Variants in FNDC7 observed in about 807,000 individuals in gnomAD.
FNDC7 encodes fibronectin type III domain-containing protein 7.
A neutral mutation model predicts 74.2 loss-of-function variants in FNDC7; 66 were observed. That is an observed-to-expected ratio of 0.89 (90% CI 0.73 to 1.09). FNDC7 has a LOEUF of 1.09. FNDC7 is among the 50% of genes least tolerant of loss of function. FNDC7 has a pLI of 0.00. For missense variants in FNDC7, 829 were observed against 893.4 expected, an observed-to-expected ratio of 0.93 and a Z score of 0.92; for synonymous variants, 307 against 330.2, an observed-to-expected ratio of 0.93 and a Z score of 0.76.
Position 108,722,321 on chromosome 1 carries a change from T to C in FNDC7, c.599-14T>C. 7 of 1,566,124 alleles carry C rather than the reference T, an allele frequency of 4.5e-6. No homozygotes were observed. The highest frequency in any genetic ancestry group is 6.1e-6 in the Non-Finnish European group (7 of 1,156,224). ...AGGCTACTACAAAATCTTAATTGTT[T>C]CTCTAAAATGTAGGTCCTCGGGCCC... is the stretch of plus-strand genomic sequence containing the variant. On this transcript the variant is annotated splice_polypyrimidine_tract_variant and intron_variant, in intron 4 of 12. Transcript: ENST00000370017.
chr1:108,719,677 C>T (rs550878035), intron 4 of FNDC7, among the ~76,000 whole-genome samples: 1 of 152,020 alleles, frequency 6.6e-6, no homozygotes, highest in East Asian at 1.9e-4. Context: ...TAGAGGTCCC[C>T]CGAGCAAAGG....
intron 9 of FNDC7, among the ~76,000 whole-genome samples, chr1:108,731,186 T>C (rs1408723631): frequency 6.6e-6 from 1 of 152,236 alleles, no homozygotes; most frequent in Non-Finnish European, 1.5e-5. Context: ...CATGTATCTT[T>C]ATATGACATA....
intron 2 of FNDC7, among the ~76,000 whole-genome samples, chr1:108,716,458 A>C (rs1486751147): frequency 6.6e-6 from 1 of 151,594 alleles, no homozygotes; most frequent in Non-Finnish European, 1.5e-5. Flanking sequence ...ATTGGCTTCC[A>C]CTGGCAAGTG....
At chr1:108,719,732 T>C (rs1661055736) in intron 4 of FNDC7, among the ~76,000 whole-genome samples, 1 of 139,152 alleles carries the variant, frequency 7.2e-6, no homozygotes, top group Non-Finnish European at 1.6e-5. Flanking sequence ...GCTGCTGGAG[T>C]GAGCCAAGCG....
At chr1:108,737,574 A>C in intron 11 of FNDC7, 50 bp downstream of exon 11, 1 of 1,489,544 alleles carries the variant, frequency 6.7e-7, no homozygotes, top group Non-Finnish European at 9.1e-7. Flanking sequence ...TTGTTGCTCC[A>C]TTTTGGGGTT....
In FNDC7 at chr1:108,712,962, CT is replaced by C. The variant is rs754828298; in HGVS notation, c.32del (p.Leu11Ter). The stretch of plus-strand genomic sequence containing the variant: ...GCTGGTGGACGAGAGACATGTTTGC[CT>C]TTGATTGGATTCATTCTTATCTGTC... MAGGRETCL[P>X]LIGFILICLK... On this transcript the variant is annotated frameshift_variant, in exon 1 of 13. Transcript: ENST00000370017. LOFTEE classifies it high-confidence loss of function. 6.4e-6 allele frequency: 10 copies of C among 1,551,520 alleles called. No homozygotes were observed. The highest frequency in any genetic ancestry group is 8.7e-6 in the Non-Finnish European group (10 of 1,146,978).
intron 4 of FNDC7, among the ~76,000 whole-genome samples, chr1:108,719,254 A>G (rs528184571): frequency 6.6e-6 from 1 of 152,292 alleles, no homozygotes; most frequent in South Asian, 2.1e-4. Flanking sequence ...AAGAAATGCT[A>G]CTCAGAATGC....
At chr1:108,722,215 A>C in intron 4 of FNDC7, 120 bp from the exon 5 acceptor site, 1 of 1,027,580 alleles carries the variant, frequency 9.7e-7, no homozygotes, top group Non-Finnish European at 1.4e-6. Context: ...TATGCTTTGA[A>C]CACTTGTAAT....
chr1:108,740,563 T>C (rs977745871), intron 11 of FNDC7, among the ~76,000 whole-genome samples: 1 of 152,074 alleles, frequency 6.6e-6, no homozygotes, highest in East Asian at 1.9e-4. Flanking sequence ...CCTAGACTCA[T>C]GCGATCCACC....
chr1:108,735,981 A>T (rs890729671), intron 10 of FNDC7, among the ~76,000 whole-genome samples: 2 of 151,754 alleles, frequency 1.3e-5, no homozygotes, highest in Admixed American at 1.3e-4. Context: ...AATTTTTAAA[A>T]TTTTTTTGTA....
At chr1:108,728,168 C>T in intron 7 of FNDC7, 103 bp downstream of exon 7, 2 of 1,390,748 alleles carry the variant, frequency 1.4e-6, no homozygotes, top group Non-Finnish European at 2.0e-6. Context: ...GGTTAAATCC[C>T]ATTAATCAAT....
chr1:108,741,805 CAA>C lies in FNDC7; in HGVS notation c.*3_*4del. The C allele has an allele frequency of 1.2e-6, 2 of 1,613,768 alleles. No homozygotes were observed. Among genetic ancestry groups the C allele is most frequent in the Non-Finnish European group, 1.7e-6 (2 of 1,179,914 alleles). On this transcript the variant is annotated 3_prime_UTR_variant, in exon 12 of 13. Transcript: ENST00000370017. ...TAGAGGGAAGAGAAATGAAGAATGA[CAA>C]AGTGAGCCCCAGATAAAAACAAAAA... is the stretch of plus-strand genomic sequence containing the variant.
Position 108,728,046 on chromosome 1 carries a change from T to C in FNDC7, c.1350T>C (p.Thr450=), listed in dbSNP as rs1329585788. Residue 450 remains threonine, a synonymous_variant, in exon 7 of 13, where the codon ACT becomes ACC. Coordinates refer to ENST00000370017, the MANE Select transcript of FNDC7 (RefSeq NM_001144937.3). ...TCCGAGGCAGCAATATGTCATGTAC[T>C]CCCCAGTTCATAACCACAGGTAAGG... is the stretch of plus-strand genomic sequence containing the variant. ...NEVRGSNMSC[T]PQFITTAPCS... 2 of 1,613,802 alleles carry C rather than the reference T, an allele frequency of 1.2e-6. No individual in the cohort carries two copies. Among genetic ancestry groups the C allele is most frequent in the Non-Finnish European group, 1.7e-6 (2 of 1,179,886 alleles).
At chr1:108,722,288 A>G in intron 4 of FNDC7, 47 bp from the exon 5 acceptor site, 1 of 1,489,068 alleles carries the variant, frequency 6.7e-7, no homozygotes, top group Non-Finnish European at 9.0e-7. Context: ...ACTCTTACGT[A>G]GTTTGTAAGG....
intron 11 of FNDC7, 78 bp from the exon 12 acceptor site, chr1:108,741,695 T>A (rs1382895908): frequency 6.9e-7 from 1 of 1,450,060 alleles, no homozygotes; most frequent in Admixed American, 1.7e-5. Flanking sequence ...ACATAAAATC[T>A]CAGACACTGG....
intron 9 of FNDC7, among the ~76,000 whole-genome samples, chr1:108,732,303 G>T (rs948138735): frequency 7.0e-6 from 1 of 142,210 alleles, no homozygotes; most frequent in African/African-American, 2.7e-5. Context: ...AGTTTGCAGT[G>T]AGCCGACCAG....
rs74599455 is a variant in FNDC7 at position 108,722,453 on chromosome 1, T to C, written c.717T>C (p.Ser239=). The change falls in exon 5 of 13, where the codon TCT becomes TCC. Residue 239 remains serine (S), a synonymous_variant. Coordinates refer to ENST00000370017, the MANE Select transcript of FNDC7 (RefSeq NM_001144937.3). ...ATACTGTGATGGCTTTGAGCGACTCTTCAGAGCTGACCTGCAGTACAACTT... is the reference window on the plus strand; with the variant it reads ...ATACTGTGATGGCTTTGAGCGACTCCTCAGAGCTGACCTGCAGTACAACTT... ...FNYTVMALSD[S]SELTCSTTFS... 6.5e-4 allele frequency: 1,053 copies of C among 1,614,268 alleles called. 14 individuals carry two copies. In the East Asian group the frequency reaches 0.023, roughly 35 times the overall value.
intron 3 of FNDC7, 56 bp from the exon 4 acceptor site, chr1:108,718,733 G>A: frequency 6.6e-7 from 1 of 1,521,650 alleles, no homozygotes; most frequent in East Asian, 2.5e-5. Context: ...TTCTAAATTT[G>A]AATTATCCTC....
At chr1:108,736,529 C>G (rs1661519248) in intron 10 of FNDC7, among the ~76,000 whole-genome samples, 1 of 152,202 alleles carries the variant, frequency 6.6e-6, no homozygotes, top group South Asian at 2.1e-4. Flanking sequence ...AAGAATGAAT[C>G]AATGAATATA....
Sources: allele counts gnomAD v4.1 joint callset (sites outside exome capture counted in the v4.1 genomes callset), GRCh38; gene constraint gnomAD v4.1.1; transcripts MANE v1.5; gene names NCBI Gene and HGNC (gene_info 2026-07-23, HGNC 2026-07-21).